Variants in HNRNPUL1 observed in about 807,000 individuals in gnomAD.
The protein encoded by HNRNPUL1 is heterogeneous nuclear ribonucleoprotein U like 1.
HNRNPUL1 carries 14 observed loss-of-function variants against 108.5 expected under a neutral mutation model. The ratio of observed to expected loss-of-function variants is 0.13; its 90% CI spans 0.09 to 0.20. The LOEUF (loss-of-function observed/expected upper bound fraction) is 0.20, where lower values mean the gene tolerates loss of function less well. HNRNPUL1 is among the 10% of genes least tolerant of loss of function. The pLI is 1.00. For missense variants in HNRNPUL1, 804 were observed against 1,168.3 expected (o/e 0.69, Z 4.55); for synonymous variants, 422 against 445.2 (o/e 0.95, Z 0.66).
intron 5 of HNRNPUL1, 65 bp from the exon 6 acceptor site, chr19:41,279,012 A>T (rs1192026103): frequency 1.8e-6 from 2 of 1,083,456 alleles, no homozygotes; most frequent in Non-Finnish European, 2.9e-6. Flanking sequence ...CTTCCCTCCT[A>T]TATTGGCTCA....
rs765505112 is a variant in HNRNPUL1, at chr19:41,264,491, G to C, written c.-13G>C. ...CCGGGCCGGGCTCGGGGGCCACCCC[G>C]GGGGCCCGGGCCATGGATGTGCGCC... On this transcript the variant is annotated 5_prime_UTR_variant, in exon 1 of 15. Transcript: ENST00000392006. The C allele has an allele frequency of 4.4e-6, 6 of 1,349,684 alleles. No homozygotes were observed. The South Asian group carries it at 8.8e-5, about 20-fold the overall frequency. 83.6% of individuals were successfully genotyped at this position (1,349,684 alleles called of 1,614,324 possible).
chr19:41,294,503 C>T lies in HNRNPUL1; in HGVS notation c.1389+43C>T. 2 of 1,614,004 alleles carry T rather than the reference C, an allele frequency of 1.2e-6. No homozygotes were observed. Among genetic ancestry groups the T allele is most frequent in the Non-Finnish European group, 1.7e-6 (2 of 1,179,890 alleles). On this transcript the variant is annotated intron_variant, in intron 9 of 14. Transcript: ENST00000392006. The surrounding 1 kb of genome is among the most constrained non-coding windows in gnomAD (Gnocchi z 4.3). ...ACTCTCCTTACTCACCTCCAACCTA[C>T]TGAGTGCTGCCCTGCAACTAAAATC...
At chr19:41,269,020 A>G (rs1444207901) in intron 2 of HNRNPUL1, among the ~76,000 whole-genome samples, 2 of 152,094 alleles carry the variant, frequency 1.3e-5, no homozygotes, top group South Asian at 2.1e-4. Context: ...TTCAGGGGAT[A>G]TTATTAGGGG....
At position 41,268,298 on chromosome 19, in the gene HNRNPUL1, A is replaced by G. The variant is rs1208412120; in HGVS notation, c.371A>G (p.Tyr124Cys). The G allele has an allele frequency of 1.2e-6, 2 of 1,614,144 alleles. No individual in the cohort carries two copies. Among genetic ancestry groups the G allele is most frequent in the South Asian group, 2.2e-5 (2 of 91,076 alleles). Residue 124 changes from tyrosine (Y) to cysteine (C), a missense_variant, in exon 2 of 15, where the codon TAC becomes TGC. By Grantham distance (194) the Tyr-to-Cys change is radical. This residue lies in a region of HNRNPUL1 where 256 missense variants were observed against 261.6 expected (regional missense o/e 0.98). Coordinates refer to ENST00000392006, the MANE Select transcript of HNRNPUL1 (RefSeq NM_007040.6). ...QVIKQENESG[Y>C]ERRPLEMEQQ... ...ATCAAACAAGAAAACGAGTCAGGCT[A>G]CGAGAGGAGACCACTGGAAATGGAG...
intron 7 of HNRNPUL1, among the ~76,000 whole-genome samples, chr19:41,289,224 C>T (rs1428346666): frequency 6.6e-6 from 1 of 152,128 alleles, no homozygotes; most frequent in Non-Finnish European, 1.5e-5. Flanking sequence ...TTTCTTTGTT[C>T]AGAAGATACC....
rs376581733 is a variant in HNRNPUL1, at chr19:41,306,499, A to T, written c.2505A>T (p.Pro835=). ...ATCAGAACCAGGGCCAGTGGCCGCCATACTACGGGAACTACGACTACGGGA... is the reference window on the plus strand; with the variant it reads ...ATCAGAACCAGGGCCAGTGGCCGCCTTACTACGGGAACTACGACTACGGGA... The part of the protein sequence containing the change: ...QYYQNQGQWP[P]YYGNYDYGSY... Residue 835 remains proline, a synonymous_variant, in exon 15 of 15, where the codon CCA becomes CCT. Transcript: ENST00000392006. The T allele has an allele frequency of 6.2e-7, 1 of 1,606,968 alleles. No homozygotes were observed. Among genetic ancestry groups the T allele is most frequent in the Non-Finnish European group, 8.5e-7 (1 of 1,177,030 alleles).
rs568513610 is a variant in HNRNPUL1, at chr19:41,293,480, G to A, written c.1267-858G>A. On this transcript the variant is annotated intron_variant, in intron 8 of 14. Transcript: ENST00000392006. ...AAGGGAATGAACGTCATTCTTAATG[G>A]CCTTACAAACTCGCCACTCCCCCCT... Among the ~76,000 whole-genome samples the A allele has an allele frequency of 3.3e-5, 5 of 152,142 alleles. 1 individual carries two copies. The highest frequency in any genetic ancestry group is 1.2e-4 in the African/African-American group (5 of 41,490).
intron 4 of HNRNPUL1, among the ~76,000 whole-genome samples, chr19:41,275,255 G>T (rs1360517472): frequency 1.3e-5 from 2 of 152,174 alleles, no homozygotes; most frequent in African/African-American, 4.8e-5. Flanking sequence ...ATATATGGTG[G>T]TGGTGATTAA....
rs978503930 is a variant in HNRNPUL1 at position 41,264,404 on chromosome 19, C to T, written c.-100C>T. ...GCCGCTGCCGCCATTGGAGTGGGCC[C>T]CCCCCCTTTCCCCCTTCGCCTCCTG... On this transcript the variant is annotated 5_prime_UTR_variant, in exon 1 of 15. Transcript: ENST00000392006. 9.5e-7 allele frequency: 1 copy of T among 1,051,748 alleles called. No homozygotes were observed. Among genetic ancestry groups the T allele is most frequent in the Non-Finnish European group, 1.2e-6 (1 of 807,504 alleles). 65.2% of individuals were successfully genotyped at this position (1,051,748 alleles called of 1,614,324 possible).
At chr19:41,297,056 A>G (rs923616457) in intron 10 of HNRNPUL1, among the ~76,000 whole-genome samples, 12 of 152,328 alleles carry the variant, frequency 7.9e-5, no homozygotes, top group East Asian at 3.9e-4. Flanking sequence ...ACTCTCAGGT[A>G]TATCGGGGCT....
chr19:41,284,184 A>G (rs2036071897), intron 7 of HNRNPUL1, among the ~76,000 whole-genome samples: 3 of 119,158 alleles, frequency 2.5e-5, no homozygotes, highest in Admixed American at 1.7e-4. Flanking sequence ...GAAAAAAGTT[A>G]TGGTATTACA....
At chr19:41,266,315 C>T (rs997146349) in intron 1 of HNRNPUL1, among the ~76,000 whole-genome samples, 3 of 152,014 alleles carry the variant, frequency 2.0e-5, no homozygotes, top group East Asian at 3.9e-4. Context: ...CGCCTGTAGT[C>T]CCAGCTACTC....
chr19:41,302,749 T>C lies in HNRNPUL1; in HGVS notation c.1772T>C (p.Val591Ala). 6.2e-7 allele frequency: 1 copy of C among 1,614,142 alleles called. No homozygotes were observed. The highest frequency in any genetic ancestry group is 8.5e-7 in the Non-Finnish European group (1 of 1,180,012). Residue 591 changes from valine to alanine, a missense_variant, in exon 12 of 15, where the codon GTG (valine) becomes GCG (alanine). Physicochemically the swap from Val to Ala is moderately conservative, Grantham distance 64. This residue lies in a region of HNRNPUL1 where 294 missense variants were observed against 388.3 expected (regional missense o/e 0.76). Coordinates refer to ENST00000392006, the MANE Select transcript of HNRNPUL1 (RefSeq NM_007040.6). ...ELQREEADKL[V>A]RQYNEEGRKA... ...CAGCGGGAGGAAGCGGACAAGCTAG[T>C]GAGGCAGTACAACGAGGAAGGCCGC...
Position 41,306,608 on chromosome 19 carries a change from T to A in HNRNPUL1, c.*43T>A. ...CTCCCGGAGGCCCCTGCCGGCTTCC[T>A]CCACCAGCGCCTGCCTCGGCCCCTC... On this transcript the variant is annotated 3_prime_UTR_variant, in exon 15 of 15. Transcript: ENST00000392006. 1 of 1,289,648 alleles carries A rather than the reference T, an allele frequency of 7.8e-7. No individual in the cohort carries two copies. Among genetic ancestry groups the A allele is most frequent in the South Asian group, 1.6e-5 (1 of 63,692 alleles). 79.9% of individuals were successfully genotyped at this position (1,289,648 alleles called of 1,614,324 possible).
In HNRNPUL1 at chr19:41,292,003, A is replaced by C; in HGVS notation, c.1000-242A>C. 1 of 527,714 alleles carries C rather than the reference A, an allele frequency of 1.9e-6. No homozygotes were observed. Among genetic ancestry groups the C allele is most frequent in the Non-Finnish European group, 3.4e-6 (1 of 296,214 alleles). 32.7% of individuals were successfully genotyped at this position (527,714 alleles called of 1,614,324 possible). A position where few individuals can be genotyped will look rare whatever the true frequency, so the allele number is the denominator to read the frequency against. ...TCAAAAAAAAAAAAAACAAAAAAAAAAAACTCTTGCTTACTTGCTTCATAT... is the reference window on the plus strand; with the variant it reads ...TCAAAAAAAAAAAAAACAAAAAAAACAAACTCTTGCTTACTTGCTTCATAT... On this transcript the variant is annotated intron_variant, in intron 7 of 14. Coordinates refer to ENST00000392006, the MANE Select transcript of HNRNPUL1 (RefSeq NM_007040.6). The surrounding 1 kb of genome is among the most constrained non-coding windows in gnomAD (Gnocchi z 4.1).
chr19:41,299,451 C>A (rs1346720560), intron 10 of HNRNPUL1, among the ~76,000 whole-genome samples: 2 of 152,204 alleles, frequency 1.3e-5, no homozygotes, highest in African/African-American at 2.4e-5. Flanking sequence ...TCTCTTGAAA[C>A]CTTGTTTTTT....
At chr19:41,273,938 T>A (rs558537595) in intron 3 of HNRNPUL1, 44 bp from the exon 4 acceptor site, 8 of 1,439,684 alleles carry the variant, frequency 5.6e-6, no homozygotes, top group African/African-American at 1.4e-5. Context: ...TCCTTTGTGC[T>A]CATCCATTGT....
At position 41,264,462 on chromosome 19, in the gene HNRNPUL1, GAGGCC is replaced by G; in HGVS notation, c.-41_-37del. 1 of 1,338,982 alleles carries G rather than the reference GAGGCC, an allele frequency of 7.5e-7. No homozygotes were observed. Among genetic ancestry groups the G allele is most frequent in the Non-Finnish European group, 9.6e-7 (1 of 1,043,720 alleles). The allele number at this position is 1,338,982 out of a possible 1,614,324, so 82.9% of individuals were successfully genotyped here. ...AGGTTTAAGGGGGACAGAGCCCTGG[GAGGCC>G]GGGCCGGGCTCGGGGGCCACCCCGG... is the stretch of plus-strand genomic sequence containing the variant. On this transcript the variant is annotated 5_prime_UTR_variant, in exon 1 of 15. Coordinates refer to ENST00000392006, the MANE Select transcript of HNRNPUL1 (RefSeq NM_007040.6).
intron 10 of HNRNPUL1, among the ~76,000 whole-genome samples, chr19:41,296,275 C>G (rs1463548773): frequency 1.3e-5 from 2 of 152,200 alleles, no homozygotes; most frequent in Non-Finnish European, 2.9e-5. Flanking sequence ...AAGCCAGGCC[C>G]ATGACAGCTT....
Sources: allele counts gnomAD v4.1 joint callset (sites outside exome capture counted in the v4.1 genomes callset), GRCh38; gene constraint gnomAD v4.1.1; regional missense constraint gnomAD v4.1.1; non-coding constraint Gnocchi (gnomAD v3.1); transcripts MANE v1.5; gene names NCBI Gene and HGNC (gene_info 2026-07-23, HGNC 2026-07-21).